The following PAMR1 variants were observed in gnomAD, a reference collection of about 807,000 sequenced individuals.
PAMR1 encodes peptidase domain containing associated with muscle regeneration 1, also known as inactive serine protease PAMR1.
A neutral mutation model predicts 81.8 loss-of-function variants in PAMR1; 88 were observed. That is an observed-to-expected ratio of 1.08 (90% CI 0.91 to 1.28). The LOEUF is 1.28. Ranked by LOEUF, PAMR1 falls within the 50% of genes most tolerant of loss-of-function variation. The pLI is 0.00. For missense variants in PAMR1, 935 were observed against 919.7 expected (o/e 1.02, Z -0.21); for synonymous variants, 336 against 345.3 (o/e 0.97, Z 0.30).
At chr11:35,483,252 G>C (rs1053220700) in intron 3 of PAMR1, among the ~76,000 whole-genome samples, 3 of 152,096 alleles carry the variant, frequency 2.0e-5, no homozygotes, top group Admixed American at 6.6e-5. Context: ...ATCTCTCTTT[G>C]ATTTTCATCT....
chr11:35,515,336 C>T (rs936351952), intron 1 of PAMR1, among the ~76,000 whole-genome samples: 1 of 152,132 alleles, frequency 6.6e-6, no homozygotes, highest in Admixed American at 6.6e-5. Context: ...TTCTGTCCAC[C>T]AAAGGCAGCT....
intron 1 of PAMR1, among the ~76,000 whole-genome samples, chr11:35,508,604 T>C (rs975198826): frequency 1.3e-5 from 2 of 150,454 alleles, no homozygotes; most frequent in Non-Finnish European, 2.9e-5. Context: ...CTATGTATCA[T>C]GCAGGTTTGG....
At chr11:35,466,388 C>A (rs1372125165) in intron 6 of PAMR1, among the ~76,000 whole-genome samples, 2 of 152,148 alleles carry the variant, frequency 1.3e-5, no homozygotes, top group Non-Finnish European at 1.5e-5. Context: ...CACAGGGACC[C>A]ACTATTGAAA....
At chr11:35,512,109 T>C (rs1851085530) in intron 1 of PAMR1, among the ~76,000 whole-genome samples, 1 of 152,212 alleles carries the variant, frequency 6.6e-6, no homozygotes, top group South Asian at 2.1e-4. Flanking sequence ...CCAGGAGTGA[T>C]AAAACTTTCA....
chr11:35,505,163 A>T (rs569055943), intron 1 of PAMR1, among the ~76,000 whole-genome samples: 1 of 152,166 alleles, frequency 6.6e-6, no homozygotes, highest in East Asian at 1.9e-4. Flanking sequence ...CATATTTTCC[A>T]AGGTTCCTCT....
chr11:35,495,874 A>G (rs1369371183), intron 1 of PAMR1, among the ~76,000 whole-genome samples: 1 of 152,264 alleles, frequency 6.6e-6, no homozygotes, highest in Non-Finnish European at 1.5e-5. Flanking sequence ...AATGAGGGAC[A>G]GTTATTTAAA....
At chr11:35,511,858 G>A (rs1851078054) in intron 1 of PAMR1, among the ~76,000 whole-genome samples, 1 of 152,092 alleles carries the variant, frequency 6.6e-6, no homozygotes, top group Admixed American at 6.5e-5. Context: ...CACCGACAAG[G>A]CCAAGCAGGA....
At chr11:35,444,769 A>G (rs1198057966) in intron 6 of PAMR1, among the ~76,000 whole-genome samples, 1 of 152,160 alleles carries the variant, frequency 6.6e-6, no homozygotes, top group East Asian at 1.9e-4. Context: ...GAAGTTGGTT[A>G]GTGTGATGCC....
intron 1 of PAMR1, among the ~76,000 whole-genome samples, chr11:35,505,514 G>A (rs1172581785): frequency 6.6e-6 from 1 of 151,968 alleles, no homozygotes; most frequent in East Asian, 1.9e-4. Context: ...ATATACTTGG[G>A]TGCTCTATTG....
At chr11:35,477,970 G>C (rs983598418) in intron 3 of PAMR1, among the ~76,000 whole-genome samples, 4 of 152,160 alleles carry the variant, frequency 2.6e-5, no homozygotes, top group African/African-American at 4.8e-5. Context: ...GGGTGTGAGA[G>C]ACAACAAAAG....
chr11:35,511,094 T>A (rs1230963314), intron 1 of PAMR1, among the ~76,000 whole-genome samples: 1 of 152,254 alleles, frequency 6.6e-6, no homozygotes, highest in Non-Finnish European at 1.5e-5. Context: ...AGGTTCAGCT[T>A]TCATATATTT....
At position 35,476,619 on chromosome 11, in the gene PAMR1, A is replaced by G. The variant is rs1285753657; in HGVS notation, c.380-1875T>C. On this transcript the variant is annotated intron_variant, in intron 3 of 10. Transcript: ENST00000619888. Reference sequence around the variant, plus strand: ...AAATTACCCAGTCTCAGATATTTCTACATAGCAGAGTGAAAACAAATACAC... The same window carrying G: ...AAATTACCCAGTCTCAGATATTTCTGCATAGCAGAGTGAAAACAAATACAC... 2.0e-5 allele frequency among the ~76,000 whole-genome samples: 3 copies of G among 152,288 alleles called. No individual in the cohort carries two copies. In the East Asian group the frequency reaches 5.8e-4, roughly 29 times the overall value.
rs1056302949 is a variant in PAMR1 at position 35,464,985 on chromosome 11, G to A, written c.820+3016C>T. On this transcript the variant is annotated intron_variant, in intron 6 of 10. Coordinates refer to ENST00000619888, the MANE Select transcript of PAMR1 (RefSeq NM_001001991.3). ...GATGGGAAGTCCTTTAAGAGGACTC[G>A]CTAATGGGACATGATGGTAACCAGA... Among the ~76,000 whole-genome samples the A allele has an allele frequency of 3.3e-5, 5 of 152,180 alleles. No individual in the cohort carries two copies. In the East Asian group the frequency reaches 5.8e-4, roughly 18 times the overall value.
At chr11:35,470,966 T>C in intron 4 of PAMR1, 148 bp from the exon 5 acceptor site, 2 of 635,470 alleles carry the variant, frequency 3.1e-6, no homozygotes, top group South Asian at 3.7e-5. Flanking sequence ...CCTCAGAGGT[T>C]GGCGAATTTC....
At chr11:35,478,797 T>C (rs935563197) in intron 3 of PAMR1, among the ~76,000 whole-genome samples, 3 of 152,094 alleles carry the variant, frequency 2.0e-5, no homozygotes, top group Non-Finnish European at 4.4e-5. Flanking sequence ...TCCTTAACAA[T>C]GTCTTACTGC....
chr11:35,438,117 A>G (rs973282294), intron 8 of PAMR1, among the ~76,000 whole-genome samples: 1 of 152,218 alleles, frequency 6.6e-6, no homozygotes, highest in Non-Finnish European at 1.5e-5. Context: ...CCTTTACATA[A>G]GACTCAAAGT....
intron 4 of PAMR1, among the ~76,000 whole-genome samples, chr11:35,472,927 C>T (rs61620632): frequency 0.34 from 51,009 of 151,808 alleles, 9,166 homozygotes; most frequent in African/African-American, 0.47. Flanking sequence ...GGGATAATGC[C>T]GGATTCAGAT....
At chr11:35,495,161 T>C (rs1000807441) in intron 1 of PAMR1, among the ~76,000 whole-genome samples, 1 of 152,204 alleles carries the variant, frequency 6.6e-6, no homozygotes, top group Non-Finnish European at 1.5e-5. Flanking sequence ...TCTTCCAAAC[T>C]TGGCCCCTCA....
intron 8 of PAMR1, among the ~76,000 whole-genome samples, chr11:35,439,155 C>T (rs1328720335): frequency 6.6e-6 from 1 of 152,216 alleles, no homozygotes; most frequent in East Asian, 1.9e-4. Context: ...CAGAGGGGCT[C>T]ACATCCTTCT....
Sources: gnomAD v4.1 joint callset for allele counts (sites outside exome capture counted in the v4.1 genomes callset) on GRCh38, gnomAD v4.1.1 for gene constraint, MANE v1.5 for transcripts, NCBI Gene and HGNC (gene_info 2026-07-23, HGNC 2026-07-21) for gene names.